The following NR3C2 variants were observed in gnomAD, a reference collection of about 807,000 sequenced individuals.
NR3C2 encodes the protein mineralocorticoid receptor.
A neutral mutation model predicts 86.4 loss-of-function variants in NR3C2; 15 were observed. That is an observed-to-expected ratio of 0.17 (90% CI 0.12 to 0.27). The LOEUF is 0.27. Among genes scored for constraint, NR3C2 ranks in the 10% least tolerant of loss-of-function variants. The pLI is 1.00. For synonymous variants in NR3C2, 458 were observed against 450.5 expected (o/e 1.02, Z -0.21); for missense variants, 960 against 1,195.6 (o/e 0.80, Z 2.91).
intron 3 of NR3C2, among the ~76,000 whole-genome samples, chr4:148,234,681 TAAAAAA>T (rs76089180): frequency 1.4e-5 from 1 of 73,056 alleles, no homozygotes; most frequent in Non-Finnish European, 3.0e-5. Context: ...AGACTCCAAC[TAAAAAA>T]AAAAAAAAAA....
At chr4:148,392,276 T>C (rs1245302054) in intron 2 of NR3C2, among the ~76,000 whole-genome samples, 2 of 152,258 alleles carry the variant, frequency 1.3e-5, no homozygotes, top group African/African-American at 4.8e-5. Flanking sequence ...TTTCACATCA[T>C]ATTATCATTT....
At chr4:148,439,399 T>A (rs943567567) in intron 1 of NR3C2, among the ~76,000 whole-genome samples, 6 of 152,040 alleles carry the variant, frequency 3.9e-5, no homozygotes, top group African/African-American at 1.4e-4. Context: ...ACCCCCAAAT[T>A]CACATTCGCT....
chr4:148,267,604 G>C (rs1035114354), intron 2 of NR3C2, among the ~76,000 whole-genome samples: 2 of 152,060 alleles, frequency 1.3e-5, no homozygotes, highest in African/African-American at 4.8e-5. Context: ...ACAGTAAACA[G>C]AACTTTGTGT....
At chr4:148,427,037 G>A (rs535188799) in intron 2 of NR3C2, among the ~76,000 whole-genome samples, 11 of 151,270 alleles carry the variant, frequency 7.3e-5, no homozygotes, top group Middle Eastern at 3.4e-3. Context: ...TCACTGCAAC[G>A]TCCACCTCCC....
At chr4:148,259,945 A>G in intron 3 of NR3C2, 33 bp downstream of exon 3, 2 of 1,613,906 alleles carry the variant, frequency 1.2e-6, no homozygotes, top group Non-Finnish European at 1.7e-6. Flanking sequence ...CTAGGAAAAA[A>G]TATGTAAAAG....
chr4:148,283,566 C>T (rs866663005), intron 2 of NR3C2, among the ~76,000 whole-genome samples: 2 of 152,158 alleles, frequency 1.3e-5, no homozygotes, highest in Non-Finnish European at 2.9e-5. Context: ...ATCATCTGAA[C>T]CTGAGGTTGT....
intron 8 of NR3C2, among the ~76,000 whole-genome samples, chr4:148,084,640 T>A (rs1232089166): frequency 6.6e-6 from 1 of 152,222 alleles, no homozygotes; most frequent in Non-Finnish European, 1.5e-5. Context: ...AGCATCATAA[T>A]GACAGGATTA....
chr4:148,242,688 A>C (rs1303536715), intron 3 of NR3C2, among the ~76,000 whole-genome samples: 1 of 152,218 alleles, frequency 6.6e-6, no homozygotes, highest in Admixed American at 6.5e-5. Context: ...TCACAGAAGC[A>C]GGGGAAAGAC....
chr4:148,383,665 C>A (rs1183802522), intron 2 of NR3C2, among the ~76,000 whole-genome samples: 3 of 152,018 alleles, frequency 2.0e-5, no homozygotes, highest in African/African-American at 4.8e-5. Flanking sequence ...TAAATAAGCA[C>A]CTTTTGGACG....
At chr4:148,397,516 C>T (rs942822703) in intron 2 of NR3C2, among the ~76,000 whole-genome samples, 1 of 152,186 alleles carries the variant, frequency 6.6e-6, no homozygotes, top group Admixed American at 6.5e-5. Context: ...AATGTATTAT[C>T]ACACCTTTAG....
intron 4 of NR3C2, among the ~76,000 whole-genome samples, chr4:148,173,296 C>T (rs6848375): frequency 0.076 from 11,514 of 152,228 alleles, 601 homozygotes; most frequent in African/African-American, 0.14. Flanking sequence ...AAAAGGAACT[C>T]TGAAGATTAA....
At chr4:148,410,478 T>TATATTCCCCTTTAGATA (rs1748640504) in intron 2 of NR3C2, among the ~76,000 whole-genome samples, 1 of 152,184 alleles carries the variant, frequency 6.6e-6, no homozygotes, top group South Asian at 2.1e-4. Context: ...GCAATAACAG[T>TATATTCCCCTTTAGATA]AGTTTATGGG....
intron 3 of NR3C2, among the ~76,000 whole-genome samples, chr4:148,206,797 T>A (rs1021877399): frequency 7.9e-5 from 12 of 152,138 alleles, no homozygotes; most frequent in Admixed American, 7.9e-4. Context: ...ATCATAAGTG[T>A]GCTGGAGCAG....
intron 2 of NR3C2, among the ~76,000 whole-genome samples, chr4:148,269,088 T>C (rs1344373320): frequency 6.6e-6 from 1 of 152,156 alleles, no homozygotes; most frequent in Non-Finnish European, 1.5e-5. Flanking sequence ...TGACTGAGCC[T>C]ACCCAAAAGC....
At chr4:148,106,464 A>G (rs1305105632) in intron 8 of NR3C2, among the ~76,000 whole-genome samples, 1 of 152,238 alleles carries the variant, frequency 6.6e-6, no homozygotes, top group Admixed American at 6.5e-5. Context: ...ATTCAGTGTT[A>G]TTCCCATTAA....
intron 2 of NR3C2, among the ~76,000 whole-genome samples, chr4:148,301,125 A>G (rs978638242): frequency 2.6e-5 from 4 of 152,172 alleles, no homozygotes; most frequent in African/African-American, 7.2e-5. Context: ...CCAGAGGCCA[A>G]TAATCCAATT....
chr4:148,394,215 C>T (rs928194487), intron 2 of NR3C2, among the ~76,000 whole-genome samples: 1 of 152,020 alleles, frequency 6.6e-6, no homozygotes, highest in African/African-American at 2.4e-5. Context: ...CTGACTGGGC[C>T]CAGCTAAATC....
intron 1 of NR3C2, among the ~76,000 whole-genome samples, chr4:148,441,163 C>T (rs1434410278): frequency 6.6e-6 from 1 of 152,130 alleles, no homozygotes; most frequent in Non-Finnish European, 1.5e-5. Flanking sequence ...CCTAATTTAC[C>T]GAGCCACCTG....
chr4:148,148,954 A>G (rs1286460691), intron 6 of NR3C2, among the ~76,000 whole-genome samples: 1 of 152,212 alleles, frequency 6.6e-6, no homozygotes, highest in African/African-American at 2.4e-5. Flanking sequence ...GCATTTGGCC[A>G]TCCTCTGTAA....
Sources: gnomAD v4.1 joint callset for allele counts (sites outside exome capture counted in the v4.1 genomes callset) on GRCh38, gnomAD v4.1.1 for gene constraint, MANE v1.5 for transcripts, NCBI Gene and HGNC (gene_info 2026-07-23, HGNC 2026-07-21) for gene names.